LGSN: variants seen among roughly 807,000 people sequenced by gnomAD.
LGSN encodes lengsin.
A neutral mutation model predicts 19.5 loss-of-function variants in LGSN; 21 were observed. That is an observed-to-expected ratio of 1.07 (90% CI 0.76 to 1.55). LGSN has a LOEUF of 1.55. Ranked by LOEUF, LGSN falls within the 40% of genes most tolerant of loss-of-function variation. The pLI is 0.00. For synonymous variants in LGSN, 257 were observed against 215.6 expected, an observed-to-expected ratio of 1.19 and a Z score of -1.68; for missense variants, 673 against 608.5, an observed-to-expected ratio of 1.11 and a Z score of -1.12.
the LGSN span, among the ~76,000 whole-genome samples, chr6:63,520,001 T>C: frequency 6.6e-6 from 1 of 152,252 alleles, no homozygotes; most frequent in Non-Finnish European, 1.5e-5. Context: ...ACTGATTTAA[T>C]GTATCATCTA....
the LGSN span, among the ~76,000 whole-genome samples, chr6:63,524,232 G>T: frequency 6.0e-3 from 918 of 152,240 alleles, 8 homozygotes; most frequent in African/African-American, 0.021. Flanking sequence ...TAATCTGACT[G>T]CCTTGGCCTC....
At chr6:63,314,030 G>T (rs1768742439) in intron 1 of LGSN, among the ~76,000 whole-genome samples, 5 of 152,020 alleles carry the variant, frequency 3.3e-5, no homozygotes, top group Admixed American at 2.6e-4. Context: ...TTGAAATAAA[G>T]GAATTAACTT....
intron 1 of LGSN, among the ~76,000 whole-genome samples, chr6:63,309,121 G>A (rs1489415528): frequency 6.6e-6 from 1 of 152,158 alleles, no homozygotes; most frequent in East Asian, 1.9e-4. Flanking sequence ...TTCTTTTCAA[G>A]TGATTTACCA....
chr6:63,340,522 C>A, the LGSN span, among the ~76,000 whole-genome samples: 1 of 148,872 alleles, frequency 6.7e-6, no homozygotes, highest in Non-Finnish European at 1.5e-5. Context: ...TTCAGAAATT[C>A]TTTTTTCTGC....
At chr6:63,501,084 G>A in the LGSN span, among the ~76,000 whole-genome samples, 8 of 152,152 alleles carry the variant, frequency 5.3e-5, no homozygotes, top group South Asian at 1.5e-3. Context: ...GAAAAAATGA[G>A]AGGAAGACTG....
At chr6:63,437,877 T>A in the LGSN span, among the ~76,000 whole-genome samples, 1 of 152,002 alleles carries the variant, frequency 6.6e-6, no homozygotes, top group East Asian at 1.9e-4. Flanking sequence ...TTGCAGTGAG[T>A]CGAGATCACG....
At chr6:63,393,899 C>T in the LGSN span, among the ~76,000 whole-genome samples, 23 of 152,240 alleles carry the variant, frequency 1.5e-4, no homozygotes, top group African/African-American at 4.8e-4. Context: ...TGCATTCCCA[C>T]GAGGTTAGGT....
the LGSN span, among the ~76,000 whole-genome samples, chr6:63,412,415 G>GAAGGA: frequency 9.3e-6 from 1 of 107,830 alleles, no homozygotes; most frequent in African/African-American, 4.5e-5. Context: ...AAGAAAGAAA[G>GAAGGA]AAGAAAGAAA....
chr6:63,451,610 A>G, the LGSN span, among the ~76,000 whole-genome samples: 2 of 152,132 alleles, frequency 1.3e-5, no homozygotes, highest in African/African-American at 2.4e-5. Context: ...GGTGGAGGGT[A>G]GGAGGAGGGA....
At chr6:63,567,839 T>TTC in the LGSN span, among the ~76,000 whole-genome samples, 6 of 152,252 alleles carry the variant, frequency 3.9e-5, no homozygotes, top group Non-Finnish European at 8.8e-5. Flanking sequence ...TGGCTAAATC[T>TTC]TCTCAATAAC....
chr6:63,311,906 A>AC (rs1332668841), intron 1 of LGSN, among the ~76,000 whole-genome samples: 1 of 151,814 alleles, frequency 6.6e-6, no homozygotes, highest in Non-Finnish European at 1.5e-5. Flanking sequence ...TTCACCACCC[A>AC]CCCTCTGTTA....
chr6:63,331,063 A>G, the LGSN span, among the ~76,000 whole-genome samples: 5 of 152,190 alleles, frequency 3.3e-5, no homozygotes, highest in African/African-American at 1.2e-4. Context: ...TAAAGGGGAC[A>G]TAACCGATAG....
the LGSN span, among the ~76,000 whole-genome samples, chr6:63,544,212 T>C: frequency 1.3e-5 from 2 of 152,200 alleles, no homozygotes; most frequent in South Asian, 4.1e-4. Context: ...TTGATGTAAT[T>C]TGAGATATGA....
the LGSN span, among the ~76,000 whole-genome samples, chr6:63,403,078 G>A: frequency 1.3e-5 from 2 of 148,608 alleles, no homozygotes; most frequent in Non-Finnish European, 3.0e-5. Flanking sequence ...GAGATAGATA[G>A]ATGATAGAGA....
chr6:63,447,010 T>C, the LGSN span, among the ~76,000 whole-genome samples: 1 of 152,066 alleles, frequency 6.6e-6, no homozygotes, highest in South Asian at 2.1e-4. Flanking sequence ...GATCGTGCCG[T>C]TGCACTCCAG....
At chr6:63,398,298 GAC>G in the LGSN span, among the ~76,000 whole-genome samples, 1 of 151,394 alleles carries the variant, frequency 6.6e-6, no homozygotes, top group Non-Finnish European at 1.5e-5. Context: ...CACAGGAGAT[GAC>G]AGACAGCTCT....
the LGSN span, among the ~76,000 whole-genome samples, chr6:63,481,358 T>TTG: frequency 6.6e-6 from 1 of 151,818 alleles, no homozygotes; most frequent in Non-Finnish European, 1.5e-5. Context: ...TATTTTTTTT[T>TTG]TTGAGACGGG....
intron 1 of LGSN, among the ~76,000 whole-genome samples, chr6:63,306,985 G>A (rs142496982): frequency 6.6e-6 from 1 of 152,172 alleles, no homozygotes; most frequent in Non-Finnish European, 1.5e-5. Flanking sequence ...CTACCGGAAT[G>A]CTGTTCAGAA....
chr6:63,458,472 G>A, the LGSN span, among the ~76,000 whole-genome samples: 1 of 152,052 alleles, frequency 6.6e-6, no homozygotes, highest in Non-Finnish European at 1.5e-5. Context: ...CTATGACATT[G>A]TTACCGTGTT....
Sources: gnomAD v4.1 joint callset for allele counts (sites outside exome capture counted in the v4.1 genomes callset) on GRCh38, gnomAD v4.1.1 for gene constraint, MANE v1.5 for transcripts, NCBI Gene and HGNC (gene_info 2026-07-23, HGNC 2026-07-21) for gene names.